TMEM217: variants seen among roughly 807,000 people sequenced by gnomAD.
TMEM217 encodes transmembrane protein 217.
For synonymous variants in TMEM217, 76 were observed against 88.3 expected (o/e 0.86, Z 0.78); for missense variants, 204 against 248.8 (o/e 0.82, Z 1.21).
chr6:37,255,775 T>C (rs1765685868), intron 1 of TMEM217, among the ~76,000 whole-genome samples: 1 of 151,974 alleles, frequency 6.6e-6, no homozygotes, highest in Non-Finnish European at 1.5e-5. Context: ...AGCAGGCTGC[T>C]GTAAGCAGGT....
chr6:37,222,481 G>T (rs983353715), intron 1 of TMEM217, among the ~76,000 whole-genome samples: 5 of 152,192 alleles, frequency 3.3e-5, no homozygotes, highest in African/African-American at 1.2e-4. Context: ...CTGCAGAGAC[G>T]CCCGGGTCCT....
At chr6:37,218,624 G>A in exon 2 of TMEM217, 1 of 1,614,182 alleles carries the variant, frequency 6.2e-7, no homozygotes, top group Non-Finnish European at 8.5e-7. Context: ...GTGCATGACT[G>A]TACGAGACAC....
chr6:37,257,253 G>A (rs1223094312), intron 1 of TMEM217, among the ~76,000 whole-genome samples: 1 of 152,192 alleles, frequency 6.6e-6, no homozygotes, highest in Non-Finnish European at 1.5e-5. Flanking sequence ...GGGAGAGGGA[G>A]ACTCTGATGA....
At position 37,257,807 on chromosome 6, in the gene TMEM217, G is replaced by C. The variant is rs1348444774; in HGVS notation, c.-251C>G. 3 of 1,216,674 alleles carry C rather than the reference G, an allele frequency of 2.5e-6. 1 individual carries two copies. In the East Asian group the frequency reaches 7.8e-5, roughly 31 times the overall value. The allele number at this position is 1,216,674 out of a possible 1,614,324, so 75.4% of individuals were successfully genotyped here. On this transcript the variant is annotated 5_prime_UTR_variant, in exon 1 of 2. Transcript: ENST00000357219. ...TGGCGTCCCCAGGAGCTGGGAGCGG[G>C]TGACCGGCGGCGGGGAAGCGGCCTG...
intron 1 of TMEM217, among the ~76,000 whole-genome samples, chr6:37,233,488 G>C (rs915993811): frequency 1.4e-4 from 22 of 152,306 alleles, no homozygotes; most frequent in African/African-American, 5.1e-4. Context: ...TGCTCACATG[G>C]GAGAAGGTGG....
chr6:37,221,421 A>G (rs1438409854), intron 1 of TMEM217, among the ~76,000 whole-genome samples: 1 of 152,148 alleles, frequency 6.6e-6, no homozygotes, highest in Admixed American at 6.5e-5. Flanking sequence ...TCCTGACCTC[A>G]GGTGATCCTC....
At chr6:37,230,726 T>C (rs77423417) in intron 1 of TMEM217, among the ~76,000 whole-genome samples, 3,867 of 152,264 alleles carry the variant, frequency 0.025, 88 homozygotes, top group Non-Finnish European at 0.042. Context: ...CTCTGTGATA[T>C]GTAGTTATAG....
intron 1 of TMEM217, among the ~76,000 whole-genome samples, chr6:37,221,828 T>C (rs1763538736): frequency 6.6e-6 from 1 of 152,182 alleles, no homozygotes; most frequent in African/African-American, 2.4e-5. Flanking sequence ...AAAAGGAGAC[T>C]CGCAGTGGGT....
At chr6:37,245,747 TGGA>T (rs1463120492) in intron 1 of TMEM217, among the ~76,000 whole-genome samples, 3 of 151,310 alleles carry the variant, frequency 2.0e-5, no homozygotes, top group Non-Finnish European at 4.4e-5. Flanking sequence ...GAGGAGGAGA[TGGA>T]GGAGGAGATC....
At chr6:37,212,941 A>G (rs1240473348), downstream of TMEM217, 9 of 1,550,046 alleles carry the variant, frequency 5.8e-6, no homozygotes, top group South Asian at 3.6e-5. Context: ...GAAGATGCCC[A>G]CCATGAGGGA....
At chr6:37,230,542 G>C (rs777251259) in intron 1 of TMEM217, among the ~76,000 whole-genome samples, 16 of 152,130 alleles carry the variant, frequency 1.1e-4, no homozygotes, top group Non-Finnish European at 2.4e-4. Context: ...AAGAAGAGAA[G>C]ATTAGGACAC....
intron 1 of TMEM217, among the ~76,000 whole-genome samples, chr6:37,249,723 C>T (rs528382438): frequency 1.3e-5 from 2 of 152,366 alleles, no homozygotes; most frequent in East Asian, 3.9e-4. Flanking sequence ...CTTTGAACCA[C>T]CTTTTCCCTC....
chr6:37,225,020 A>C (rs1008915848), intron 1 of TMEM217, among the ~76,000 whole-genome samples: 23 of 151,344 alleles, frequency 1.5e-4, no homozygotes, highest in African/African-American at 4.6e-4. Flanking sequence ...AAAAAAAAAA[A>C]AAAAAACACC....
chr6:37,217,411 CAAT>C (rs1299231035), downstream of TMEM217, among the ~76,000 whole-genome samples: 1 of 152,168 alleles, frequency 6.6e-6, no homozygotes, highest in African/African-American at 2.4e-5. Flanking sequence ...GATTCATAAA[CAAT>C]AATTTACTTT....
intron 1 of TMEM217, among the ~76,000 whole-genome samples, chr6:37,236,772 C>G (rs1415218059): frequency 6.6e-6 from 1 of 152,118 alleles, no homozygotes; most frequent in Admixed American, 6.5e-5. Flanking sequence ...GGACTTCAGA[C>G]AGAGCACAGT....
chr6:37,254,925 A>T (rs556502889), intron 1 of TMEM217, among the ~76,000 whole-genome samples: 6 of 152,190 alleles, frequency 3.9e-5, no homozygotes, highest in Admixed American at 6.5e-5. Flanking sequence ...TTAGATTCTC[A>T]TAAGGAGTGC....
downstream of TMEM217, among the ~76,000 whole-genome samples, chr6:37,217,428 C>T (rs1480857720): frequency 3.3e-5 from 5 of 152,186 alleles, no homozygotes; most frequent in Non-Finnish European, 7.4e-5. Context: ...TTACTTTCTT[C>T]CACTAAACTA....
intron 1 of TMEM217, 92 bp from the exon 2 acceptor site, chr6:37,219,133 G>T: frequency 8.8e-7 from 1 of 1,137,762 alleles, no homozygotes; most frequent in Non-Finnish European, 1.3e-6. Flanking sequence ...ATCTACTTTG[G>T]AGAAATATAG....
At chr6:37,220,840 A>G (rs1763467834) in intron 1 of TMEM217, among the ~76,000 whole-genome samples, 1 of 152,206 alleles carries the variant, frequency 6.6e-6, no homozygotes, top group African/African-American at 2.4e-5. Context: ...AACTGCAGTA[A>G]TATCTGATCA....
Sources: allele counts gnomAD v4.1 joint callset (sites outside exome capture counted in the v4.1 genomes callset), GRCh38; gene constraint gnomAD v4.1.1; transcripts MANE v1.5; gene names NCBI Gene and HGNC (gene_info 2026-07-23, HGNC 2026-07-21).